Variants in SLCO2A1 observed in about 807,000 individuals in gnomAD.
SLCO2A1 encodes solute carrier organic anion transporter family member 2A1.
SLCO2A1 carries 60 observed loss-of-function variants against 71.7 expected under a neutral mutation model. The ratio of observed to expected loss-of-function variants is 0.84; its 90% CI spans 0.68 to 1.04. The LOEUF (loss-of-function observed/expected upper bound fraction) is 1.04. Ranked by LOEUF, SLCO2A1 falls within the 50% of genes least tolerant of loss-of-function variation. The pLI is 0.00. For synonymous variants in SLCO2A1, 308 were observed against 326.7 expected (o/e 0.94, Z 0.62); for missense variants, 745 against 813.4 (o/e 0.92, Z 1.02).
At chr3:133,978,162 G>A (rs935656904) in intron 2 of SLCO2A1, among the ~76,000 whole-genome samples, 8 of 152,192 alleles carry the variant, frequency 5.3e-5, no homozygotes, top group East Asian at 1.9e-4. Flanking sequence ...AGATTCCAGC[G>A]ATGTGTGTGG....
intron 1 of SLCO2A1, among the ~76,000 whole-genome samples, chr3:134,027,393 T>C (rs1460479125): frequency 6.6e-6 from 1 of 152,234 alleles, no homozygotes; most frequent in Non-Finnish European, 1.5e-5. Flanking sequence ...TGAAAATCCC[T>C]ATTCTGTTTT....
At position 133,953,157 on chromosome 3, in the gene SLCO2A1, C is replaced by A. The variant is rs889459633; in HGVS notation, c.724+506G>T. Among the ~76,000 whole-genome samples, 124 of 152,208 alleles carry A rather than the reference C, an allele frequency of 8.1e-4. 1 individual carries two copies. The highest frequency in any genetic ancestry group is 2.9e-3 in the African/African-American group (122 of 41,496). On this transcript the variant is annotated intron_variant, in intron 5 of 13. Coordinates refer to ENST00000310926, the MANE Select transcript of SLCO2A1 (RefSeq NM_005630.3). ...GTTCACGCCATTCTTCTGCCTCAGC[C>A]TCCTAAGTAGCTGGGACTACAGGCA...
chr3:133,965,583 A>G (rs955070260), intron 3 of SLCO2A1, among the ~76,000 whole-genome samples: 2 of 150,904 alleles, frequency 1.3e-5, no homozygotes, highest in Non-Finnish European at 3.0e-5. Context: ...CTACAGGGAG[A>G]AAATATGAAG....
intron 1 of SLCO2A1, among the ~76,000 whole-genome samples, chr3:134,004,506 G>T (rs995103261): frequency 2.0e-5 from 3 of 152,120 alleles, no homozygotes; most frequent in African/African-American, 4.8e-5. Flanking sequence ...GGCTAATTTT[G>T]TATTTTTAGT....
chr3:133,967,548 A>G (rs1934210183), intron 3 of SLCO2A1, among the ~76,000 whole-genome samples: 1 of 152,184 alleles, frequency 6.6e-6, no homozygotes, highest in Non-Finnish European at 1.5e-5. Context: ...AAATCTCATT[A>G]AGTTTTGTTC....
At chr3:133,935,425 GC>G (rs1933243729) in intron 13 of SLCO2A1, among the ~76,000 whole-genome samples, 2 of 152,178 alleles carry the variant, frequency 1.3e-5, no homozygotes, top group African/African-American at 4.8e-5. Flanking sequence ...GCAGGAGGCT[GC>G]CCCCAATTTT....
At chr3:133,956,279 G>A (rs986572787) in intron 3 of SLCO2A1, among the ~76,000 whole-genome samples, 4 of 152,176 alleles carry the variant, frequency 2.6e-5, no homozygotes, top group Admixed American at 1.3e-4. Flanking sequence ...ACTGGACTCT[G>A]CCGGTGCTGT....
chr3:133,978,053 A>C (rs1194217219), intron 2 of SLCO2A1, among the ~76,000 whole-genome samples: 2 of 152,198 alleles, frequency 1.3e-5, no homozygotes, highest in Non-Finnish European at 2.9e-5. Context: ...GGGATGACTT[A>C]GACAGGCTGC....
chr3:133,936,529 A>G (rs1052341806), intron 12 of SLCO2A1, among the ~76,000 whole-genome samples: 5 of 152,170 alleles, frequency 3.3e-5, no homozygotes, highest in African/African-American at 1.2e-4. Context: ...TTGGCTTGGC[A>G]GGGGCTATGC....
chr3:133,980,502 C>T (rs961214709), intron 1 of SLCO2A1, among the ~76,000 whole-genome samples: 2 of 152,222 alleles, frequency 1.3e-5, no homozygotes, highest in Non-Finnish European at 2.9e-5. Flanking sequence ...GTTGCGCTGA[C>T]ACCGAACAGG....
intron 1 of SLCO2A1, among the ~76,000 whole-genome samples, chr3:134,002,292 C>T (rs1284156666): frequency 6.6e-6 from 1 of 152,224 alleles, no homozygotes; most frequent in Non-Finnish European, 1.5e-5. Flanking sequence ...CCTCAGCACC[C>T]TCCTGCCTCC....
intron 11 of SLCO2A1, among the ~76,000 whole-genome samples, chr3:133,939,237 TG>T (rs1271512673): frequency 6.6e-6 from 1 of 151,988 alleles, no homozygotes; most frequent in Admixed American, 6.5e-5. Context: ...GAGAGGAAAA[TG>T]TGTTTGGCTG....
intron 6 of SLCO2A1, chr3:133,950,880 G>A (rs1933728446): frequency 2.8e-6 from 1 of 361,708 alleles, no homozygotes; most frequent in Non-Finnish European, 5.3e-6. Context: ...AAAGTTGACT[G>A]TACCAGGTCG....
At chr3:134,020,320 G>A (rs943012006) in intron 1 of SLCO2A1, among the ~76,000 whole-genome samples, 3 of 152,146 alleles carry the variant, frequency 2.0e-5, no homozygotes, top group Admixed American at 6.5e-5. Flanking sequence ...TTTTGTCTGC[G>A]GCTCATTCTG....
At position 133,943,384 on chromosome 3, in the gene SLCO2A1, C is replaced by T. The variant is rs139920178; in HGVS notation, c.1462-616G>A. ...TTGTCTGGTGGTCTTCACCTTCCTT[C>T]GCTGCCCTTGTCAGATGGCCCAGCC... On this transcript the variant is annotated intron_variant, in intron 10 of 13. Coordinates refer to ENST00000310926, the MANE Select transcript of SLCO2A1 (RefSeq NM_005630.3). 5.4e-3 allele frequency among the ~76,000 whole-genome samples: 830 copies of T among 152,296 alleles called. 6 individuals carry two copies. Among genetic ancestry groups the T allele is most frequent in the Middle Eastern group, 0.014 (4 of 294 alleles).
At chr3:134,021,749 T>G (rs892782945) in intron 1 of SLCO2A1, among the ~76,000 whole-genome samples, 6 of 151,430 alleles carry the variant, frequency 4.0e-5, no homozygotes, top group Non-Finnish European at 8.8e-5. Context: ...GAGAGAGATA[T>G]ACAAGTAGTT....
At chr3:133,971,328 G>C (rs1211241221) in intron 3 of SLCO2A1, among the ~76,000 whole-genome samples, 1 of 152,266 alleles carries the variant, frequency 6.6e-6, no homozygotes, top group Non-Finnish European at 1.5e-5. Flanking sequence ...CCAAGGGGGA[G>C]AAAGTGTATG....
At chr3:133,987,103 T>C (rs1055112753) in intron 1 of SLCO2A1, among the ~76,000 whole-genome samples, 4 of 148,732 alleles carry the variant, frequency 2.7e-5, no homozygotes, top group African/African-American at 1.0e-4. Context: ...ATGTCTTATG[T>C]CCATGTAAAC....
At chr3:134,009,403 T>G (rs545166332) in intron 1 of SLCO2A1, among the ~76,000 whole-genome samples, 112 of 152,350 alleles carry the variant, frequency 7.4e-4, no homozygotes, top group African/African-American at 2.6e-3. Context: ...TTTTAAAAAA[T>G]GATTTGCATG....
Sources: allele counts gnomAD v4.1 joint callset (sites outside exome capture counted in the v4.1 genomes callset), GRCh38; gene constraint gnomAD v4.1.1; transcripts MANE v1.5; gene names NCBI Gene and HGNC (gene_info 2026-07-23, HGNC 2026-07-21).